TENT5D: variants seen among roughly 807,000 people sequenced by gnomAD.
The protein encoded by TENT5D is cancer/testis antigen 112.
For missense variants in TENT5D, 191 were observed against 287.0 expected (o/e 0.67, Z 2.42); for synonymous variants, 103 against 100.6 (o/e 1.02, Z -0.15).
chrX:80,407,711 C>G (rs1288196932), intron 3 of TENT5D, among the ~76,000 whole-genome samples: 12 of 108,078 alleles, frequency 1.1e-4, no homozygotes, highest in African/African-American at 3.1e-4. Flanking sequence ...AAGTCAACAA[C>G]GATACCCAGG....
chrX:80,363,793 G>T (rs1429426300), intron 3 of TENT5D, among the ~76,000 whole-genome samples: 1 of 111,791 alleles, frequency 8.9e-6, no homozygotes, highest in East Asian at 2.8e-4. Flanking sequence ...TTCCTAGATT[G>T]GTTCTTCCAT....
intron 3 of TENT5D, among the ~76,000 whole-genome samples, chrX:80,373,122 C>T (rs1217539500): frequency 9.0e-6 from 1 of 110,839 alleles, no homozygotes; most frequent in Non-Finnish European, 1.9e-5. Flanking sequence ...GTAAAGTGGC[C>T]TCTGAAGTAT....
intron 3 of TENT5D, among the ~76,000 whole-genome samples, chrX:80,361,728 A>C (rs1930408282): frequency 8.9e-6 from 1 of 112,198 alleles, no homozygotes; most frequent in Non-Finnish European, 1.9e-5. Context: ...AGATGCTTTT[A>C]ATATTGCAGT....
chrX:80,344,515 A>G lies in TENT5D; in HGVS notation c.-142+1951A>G, dbSNP rs776558746. ...GCCATACTGACTGGCGTGAGATGGT[A>G]TATCTTATGGTTTTGATTTGCATTT... On this transcript the variant is annotated intron_variant, in intron 3 of 4. Coordinates refer to the TENT5D transcript ENST00000538312. 6.4e-5 allele frequency among the ~76,000 whole-genome samples: 7 copies of G among 109,848 alleles called. No homozygotes were observed. The South Asian group carries it at 2.8e-3, about 44-fold the overall frequency.
exon 3 of TENT5D, chrX:80,443,548 A>C: frequency 4.1e-6 from 5 of 1,210,709 alleles, no homozygotes; most frequent in Non-Finnish European, 5.6e-6. Flanking sequence ...TGGAGAACTA[A>C]ATATTCTACC....
chrX:80,386,110 A>G (rs996062529), intron 3 of TENT5D, among the ~76,000 whole-genome samples: 1 of 112,458 alleles, frequency 8.9e-6, no homozygotes, highest in Non-Finnish European at 1.9e-5. Context: ...GCTGCTATAA[A>G]GACACATGCA....
chrX:80,343,462 A>G (rs1163056901), intron 3 of TENT5D, among the ~76,000 whole-genome samples: 1 of 100,041 alleles, frequency 1.0e-5, no homozygotes, highest in Non-Finnish European at 2.0e-5. Flanking sequence ...CAATGGCACG[A>G]TCTCGGCTCA....
At chrX:80,380,159 C>T (rs1046965678) in intron 3 of TENT5D, among the ~76,000 whole-genome samples, 1 of 108,709 alleles carries the variant, frequency 9.2e-6, no homozygotes, top group South Asian at 4.0e-4. Flanking sequence ...GTATGTTGTG[C>T]CTTTGTTCTC....
intron 3 of TENT5D, among the ~76,000 whole-genome samples, chrX:80,377,447 CA>C (rs1930754828): frequency 9.0e-6 from 1 of 111,156 alleles, no homozygotes; most frequent in Non-Finnish European, 1.9e-5. Flanking sequence ...CAAGTGTACT[CA>C]TTGTTCAGTT....
chrX:80,419,374 C>T (rs1228844543), upstream of TENT5D, among the ~76,000 whole-genome samples: 1 of 111,971 alleles, frequency 8.9e-6, no homozygotes, highest in East Asian at 2.8e-4. Flanking sequence ...ATATATTATA[C>T]TGCCAGGAAA....
At chrX:80,418,721 A>T (rs1445686659), upstream of TENT5D, among the ~76,000 whole-genome samples, 1 of 111,816 alleles carries the variant, frequency 8.9e-6, no homozygotes, top group Non-Finnish European at 1.9e-5. Context: ...TGAGAATTTG[A>T]CCTATATCTG....
At chrX:80,371,015 A>G (rs1930615271) in intron 3 of TENT5D, among the ~76,000 whole-genome samples, 1 of 112,132 alleles carries the variant, frequency 8.9e-6, no homozygotes, top group African/African-American at 3.2e-5. Flanking sequence ...GTTATTCAGC[A>G]GTGATAAGGA....
chrX:80,354,223 T>G (rs1308001975), intron 3 of TENT5D, among the ~76,000 whole-genome samples: 1 of 111,661 alleles, frequency 9.0e-6, no homozygotes, highest in Non-Finnish European at 1.9e-5. Context: ...CAGGGGTTCT[T>G]TAAATTTGCA....
intron 3 of TENT5D, among the ~76,000 whole-genome samples, chrX:80,380,054 G>T (rs1930824566): frequency 9.4e-6 from 1 of 106,766 alleles, no homozygotes; most frequent in African/African-American, 3.4e-5. Context: ...TGATGTTAGG[G>T]TGTCAATTTT....
At position 80,342,446 on chromosome X, in the gene TENT5D, G is replaced by A. The variant is rs1929978595; in HGVS notation, c.-206-54G>A. The A allele has an allele frequency of 2.7e-5, 3 of 112,087 alleles. No individual in the cohort carries two copies. The South Asian group carries it at 1.1e-3, about 41-fold the overall frequency. 9.2% of individuals were successfully genotyped at this position (112,087 alleles called of 1,213,427 possible). On this transcript the variant is annotated intron_variant, in intron 2 of 4. Transcript: ENST00000538312. ...TAAACTGAGGCTTAATGAGAATGAG[G>A]CAATGATCCAGACTATATAGAAATT... is the stretch of plus-strand genomic sequence containing the variant.
At chrX:80,394,486 C>G (rs1931201870) in intron 3 of TENT5D, among the ~76,000 whole-genome samples, 1 of 104,626 alleles carries the variant, frequency 9.6e-6, no homozygotes, top group Non-Finnish European at 2.0e-5. Flanking sequence ...CAACCTCCCC[C>G]TCCCAAGTGA....
At chrX:80,349,904 A>G (rs1266869963) in intron 3 of TENT5D, among the ~76,000 whole-genome samples, 1 of 110,923 alleles carries the variant, frequency 9.0e-6, no homozygotes, top group Non-Finnish European at 1.9e-5. Flanking sequence ...TAATTTCATT[A>G]TTTACCCTAT....
chrX:80,436,307 CTT>C (rs774208981), intron 1 of TENT5D, among the ~76,000 whole-genome samples: 2 of 111,020 alleles, frequency 1.8e-5, no homozygotes, highest in East Asian at 5.7e-4. Context: ...TTAGGGAACT[CTT>C]TGATGTATAG....
At chrX:80,390,292 G>T (rs2147537379) in intron 3 of TENT5D, among the ~76,000 whole-genome samples, 1 of 111,251 alleles carries the variant, frequency 9.0e-6, no homozygotes, top group East Asian at 2.8e-4. Context: ...GTGGAAGAGA[G>T]AATAAACTAT....
Sources: gnomAD v4.1 joint callset for allele counts (sites outside exome capture counted in the v4.1 genomes callset) on GRCh38, gnomAD v4.1.1 for gene constraint, MANE v1.5 for transcripts, NCBI Gene and HGNC (gene_info 2026-07-23, HGNC 2026-07-21) for gene names.